TTLL4: variants seen among roughly 807,000 people sequenced by gnomAD.
TTLL4 encodes the protein tubulin monoglutamylase TTLL4.
Under a neutral mutation model 122.7 loss-of-function variants are expected in TTLL4, and 85 were observed. The ratio of observed to expected loss-of-function variants is 0.69; its 90% CI spans 0.58 to 0.83. TTLL4 has a LOEUF of 0.83. Among genes scored for constraint, TTLL4 ranks in the 40% least tolerant of loss-of-function variants. The pLI is 0.00. For synonymous variants in TTLL4, 553 were observed against 563.0 expected, an observed-to-expected ratio of 0.98 and a Z score of 0.25; for missense variants, 1,363 against 1,488.6, an observed-to-expected ratio of 0.92 and a Z score of 1.39.
intron 1 of TTLL4, among the ~76,000 whole-genome samples, chr2:218,715,550 C>T (rs1185189633): frequency 6.6e-6 from 1 of 152,274 alleles, no homozygotes; most frequent in Admixed American, 6.5e-5. Flanking sequence ...GTATTCTCTG[C>T]AGTTGCAACA....
chr2:218,737,888 T>A lies in TTLL4; in HGVS notation c.212T>A (p.Leu71His). The change falls in exon 3 of 20, where the codon CTC becomes CAC. Residue 71 changes from leucine (L) to histidine (H), a missense_variant. Transcript: ENST00000392102. Reference sequence around the variant, plus strand: ...CTGTCAGCAGGGTTGGGCCCAGGCCTCTTGGGCGTCCCACCCCAGCCAGCA... The same window carrying A: ...CTGTCAGCAGGGTTGGGCCCAGGCCACTTGGGCGTCCCACCCCAGCCAGCA... Reference protein sequence around the residue: ...ETLSAGLGPGLLGVPPQPAYF... With the variant: ...ETLSAGLGPGHLGVPPQPAYF... 1 of 1,614,210 alleles carries A rather than the reference T, an allele frequency of 6.2e-7. No homozygotes were observed. Among genetic ancestry groups the A allele is most frequent in the African/African-American group, 1.3e-5 (1 of 75,054 alleles).
At chr2:218,739,213 C>T in intron 3 of TTLL4, 50 bp downstream of exon 3, 2 of 1,543,654 alleles carry the variant, frequency 1.3e-6, no homozygotes, top group Non-Finnish European at 1.7e-6. Flanking sequence ...ATGTATATAC[C>T]ATAATTTGGG....
At chr2:218,750,408 A>G (rs1042981749) in intron 15 of TTLL4, among the ~76,000 whole-genome samples, 12 of 152,318 alleles carry the variant, frequency 7.9e-5, no homozygotes, top group Non-Finnish European at 1.6e-4. Context: ...CTCTAGTCCC[A>G]GCTACTTGGG....
At chr2:218,754,047 G>T (rs2106466838) in intron 19 of TTLL4, 87 bp from the exon 20 acceptor site, 1 of 1,566,688 alleles carries the variant, frequency 6.4e-7, no homozygotes, top group African/African-American at 1.4e-5. Flanking sequence ...TGTCGTGAAT[G>T]CCTGCTCCAG....
At chr2:218,751,615 G>T in intron 15 of TTLL4, 89 bp from the exon 16 acceptor site, 5 of 1,502,948 alleles carry the variant, frequency 3.3e-6, no homozygotes, top group Non-Finnish European at 4.4e-6. Flanking sequence ...CTCAAGAAGG[G>T]TGTCTGCTGG....
intron 3 of TTLL4, among the ~76,000 whole-genome samples, chr2:218,739,827 A>G (rs1942648023): frequency 6.6e-6 from 1 of 152,254 alleles, no homozygotes; most frequent in Non-Finnish European, 1.5e-5. Flanking sequence ...AGGGACACCA[A>G]AGAAAATGGA....
chr2:218,754,475 C>T lies in TTLL4; in HGVS notation c.*86C>T. The T allele has an allele frequency of 6.5e-7, 1 of 1,538,676 alleles. No homozygotes were observed. The highest frequency in any genetic ancestry group is 1.9e-5 in the Admixed American group (1 of 52,758). The stretch of plus-strand genomic sequence containing the variant: ...AGCCTGCTGTTCAGACCAGTCTGAC[C>T]CCCTACCCCTTTCACCCTGTCCCTC... On this transcript the variant is annotated 3_prime_UTR_variant, in exon 20 of 20. Transcript: ENST00000392102.
chr2:218,747,405 C>G lies in TTLL4; in HGVS notation c.2249+33C>G. On this transcript the variant is annotated intron_variant, in intron 10 of 19. Coordinates refer to ENST00000392102, the MANE Select transcript of TTLL4 (RefSeq NM_014640.5). This position sits in a 1 kb window ranked among gnomAD's most constrained non-coding sequence, Gnocchi z 4.7. ...TGTAGCACATATCCCTTACCCCATC[C>G]TCCCACCTCCTTGGCCTCGAGGTTC... is the stretch of plus-strand genomic sequence containing the variant. The G allele has an allele frequency of 6.2e-7, 1 of 1,607,302 alleles. No homozygotes were observed. Among genetic ancestry groups the G allele is most frequent in the Non-Finnish European group, 8.5e-7 (1 of 1,176,138 alleles).
intron 1 of TTLL4, among the ~76,000 whole-genome samples, chr2:218,726,824 A>C (rs776112897): frequency 2.7e-5 from 4 of 147,460 alleles, no homozygotes; most frequent in Non-Finnish European, 6.0e-5. Context: ...TTTTTTTTTG[A>C]GATGGAGTCT....
At chr2:218,749,184 G>C in intron 13 of TTLL4, 69 bp from the exon 14 acceptor site, 2 of 1,579,292 alleles carry the variant, frequency 1.3e-6, no homozygotes, top group Non-Finnish European at 8.6e-7. Flanking sequence ...CCACTCTTTT[G>C]GCAGGATAGC....
Position 218,745,219 on chromosome 2 carries a change from C to T in TTLL4, c.1772C>T (p.Thr591Ile), listed in dbSNP as rs1041332078. ...GTTCCCCCTACCATCTATTTTGGCA[C>T]TCGGGATGAGAGAGGTAAACCTGGC... The part of the protein sequence containing the change: ...PNVPPTIYFG[T>I]RDERVEKLPW... The change falls in exon 6 of 20, where the codon ACT (threonine) becomes ATT (isoleucine). Residue 591 changes from threonine to isoleucine, a missense_variant. Thr to Ile is a moderately conservative substitution (Grantham distance 89). Transcript: ENST00000392102. The T allele has an allele frequency of 2.5e-6, 4 of 1,614,018 alleles. No homozygotes were observed. In the South Asian group the frequency reaches 3.3e-5, roughly 13 times the overall value.
chr2:218,735,330 G>A (rs1329290668), intron 2 of TTLL4, among the ~76,000 whole-genome samples: 1 of 152,128 alleles, frequency 6.6e-6, no homozygotes, highest in Non-Finnish European at 1.5e-5. Context: ...GGGAGGCTGA[G>A]AGAGGAGGAT....
At chr2:218,752,526 C>T (rs1025663627) in intron 16 of TTLL4, among the ~76,000 whole-genome samples, 1 of 152,180 alleles carries the variant, frequency 6.6e-6, no homozygotes, top group Non-Finnish European at 1.5e-5. Flanking sequence ...CTTAACCTCT[C>T]AGCCCCAGTG....
At chr2:218,746,370 A>C (rs1255724901) in intron 8 of TTLL4, 139 bp downstream of exon 8, 2 of 848,170 alleles carry the variant, frequency 2.4e-6, no homozygotes, top group Non-Finnish European at 3.8e-6. Context: ...AGGAGAAAGT[A>C]CAGGACGGGG....
At chr2:218,716,573 A>C (rs1941864865) in intron 1 of TTLL4, among the ~76,000 whole-genome samples, 1 of 152,220 alleles carries the variant, frequency 6.6e-6, no homozygotes, top group Non-Finnish European at 1.5e-5. Context: ...GCAGATCACA[A>C]GGTCAGGAGA....
downstream of TTLL4, among the ~76,000 whole-genome samples, chr2:218,759,544 C>T (rs1387401541): frequency 6.6e-6 from 1 of 152,164 alleles, no homozygotes; most frequent in African/African-American, 2.4e-5. Context: ...CAGAACAGTG[C>T]TTGCCAGGGA....
intron 16 of TTLL4, 43 bp downstream of exon 16, chr2:218,751,849 C>A: frequency 1.3e-6 from 2 of 1,506,722 alleles, no homozygotes; most frequent in Non-Finnish European, 1.8e-6. Context: ...GAAAACTTCC[C>A]TGGTCAAACA....
chr2:218,716,515 C>T (rs182487324), intron 1 of TTLL4, among the ~76,000 whole-genome samples: 13 of 152,282 alleles, frequency 8.5e-5, no homozygotes, highest in African/African-American at 3.1e-4. Context: ...TCGGGCTGGG[C>T]GCAGTGGCTC....
intron 1 of TTLL4, among the ~76,000 whole-genome samples, chr2:218,725,107 A>G (rs115690850): frequency 0.011 from 1,743 of 152,136 alleles, 39 homozygotes; most frequent in African/African-American, 0.036. Context: ...GGGTCTTGCT[A>G]TGTTTCCCAG....
Sources: allele counts gnomAD v4.1 joint callset (sites outside exome capture counted in the v4.1 genomes callset), GRCh38; gene constraint gnomAD v4.1.1; non-coding constraint Gnocchi (gnomAD v3.1); transcripts MANE v1.5; gene names NCBI Gene and HGNC (gene_info 2026-07-23, HGNC 2026-07-21).